Variants in PDE7B observed in about 807,000 individuals in gnomAD.
PDE7B encodes the protein phosphodiesterase 7B.
In PDE7B, 29 loss-of-function variants were observed where a neutral mutation model predicts 56.2. The ratio of observed to expected loss-of-function variants is 0.52; its 90% CI spans 0.38 to 0.70. PDE7B has a LOEUF of 0.70. Ranked by LOEUF, PDE7B falls within the 30% of genes least tolerant of loss-of-function variation. PDE7B has a pLI of 0.00. For synonymous variants in PDE7B, 197 were observed against 196.9 expected (o/e 1.00, Z 0.00); for missense variants, 490 against 565.0 (o/e 0.87, Z 1.35).
chr6:136,004,371 G>A (rs1245742901), intron 2 of PDE7B, among the ~76,000 whole-genome samples: 2 of 151,618 alleles, frequency 1.3e-5, no homozygotes, highest in Non-Finnish European at 3.0e-5. Flanking sequence ...GGCAGGAGAA[G>A]GAAATAAAGG....
intron 2 of PDE7B, among the ~76,000 whole-genome samples, chr6:136,078,069 A>G (rs945681259): frequency 6.6e-6 from 1 of 152,190 alleles, no homozygotes; most frequent in Admixed American, 6.5e-5. Flanking sequence ...CCAGGATGCC[A>G]AGTGATAAAT....
intron 2 of PDE7B, among the ~76,000 whole-genome samples, chr6:135,956,883 C>CGGAA (rs147614842): frequency 2.0e-5 from 3 of 150,258 alleles, no homozygotes; most frequent in Non-Finnish European, 4.4e-5. Context: ...GAAATAAAGA[C>CGGAA]GGAAGGAAGG....
chr6:135,908,300 G>T (rs1327634080), intron 1 of PDE7B, among the ~76,000 whole-genome samples: 1 of 151,690 alleles, frequency 6.6e-6, no homozygotes, highest in African/African-American at 2.4e-5. Context: ...CTCCATATCG[G>T]TCAGGCTGGT....
intron 8 of PDE7B, among the ~76,000 whole-genome samples, chr6:136,170,751 T>A (rs190572555): frequency 6.6e-6 from 1 of 152,256 alleles, no homozygotes; most frequent in East Asian, 1.9e-4. Flanking sequence ...TCCTGAGGCA[T>A]CTCATGGCAT....
chr6:135,862,883 A>T lies in PDE7B; in HGVS notation c.21+10864A>T, dbSNP rs192300998. On this transcript the variant is annotated intron_variant, in intron 1 of 12. Coordinates refer to ENST00000308191, the MANE Select transcript of PDE7B (RefSeq NM_018945.4). The stretch of plus-strand genomic sequence containing the variant: ...AATTTACTGTTTCTATTAGCAGTTA[A>T]TTCAAGACAATTTCAATTATAATTT... 5.3e-4 allele frequency among the ~76,000 whole-genome samples: 81 copies of T among 152,018 alleles called. 1 individual carries two copies. In the East Asian group the frequency reaches 0.012, roughly 23 times the overall value.
chr6:136,191,127 A>G (rs1330458954), intron 12 of PDE7B, among the ~76,000 whole-genome samples: 1 of 149,948 alleles, frequency 6.7e-6, no homozygotes, highest in South Asian at 2.1e-4. Context: ...TTGTACATAC[A>G]TTAAGTCATT....
At chr6:136,119,004 G>T (rs1207539812) in intron 3 of PDE7B, among the ~76,000 whole-genome samples, 1 of 152,148 alleles carries the variant, frequency 6.6e-6, no homozygotes, top group Non-Finnish European at 1.5e-5. Flanking sequence ...TCTTTGATAA[G>T]AAAGAAAAGG....
In PDE7B at chr6:135,942,209, G is replaced by A. The variant is rs368219857; in HGVS notation, c.22-5255G>A. 1.6e-4 allele frequency among the ~76,000 whole-genome samples: 25 copies of A among 152,104 alleles called. 1 individual carries two copies. The highest frequency in any genetic ancestry group is 6.2e-4 in the South Asian group (3 of 4,820). On this transcript the variant is annotated intron_variant, in intron 1 of 12. Coordinates refer to ENST00000308191, the MANE Select transcript of PDE7B (RefSeq NM_018945.4). ...AACATCAATTTTTTTATAACTAAAC[G>A]TATGGTGAAAGTGATGATAAAATTC...
At chr6:136,033,620 GCTTTCCCC>G (rs905573804) in intron 2 of PDE7B, among the ~76,000 whole-genome samples, 9 of 152,086 alleles carry the variant, frequency 5.9e-5, no homozygotes, top group African/African-American at 1.9e-4. Flanking sequence ...CTCCCCACAT[GCTTTCCCC>G]CTTTCCCCAT....
In PDE7B at chr6:136,155,738, C is replaced by T. The variant is rs1000198433; in HGVS notation, c.691C>T (p.His231Tyr). 6.2e-7 allele frequency: 1 copy of T among 1,614,068 alleles called. No homozygotes were observed. Among genetic ancestry groups the T allele is most frequent in the Admixed American group, 1.7e-5 (1 of 60,016 alleles). ...NQPFLIKTNHHLANLYQNMSV... is the reference protein window; with the variant it reads ...NQPFLIKTNHYLANLYQNMSV... ...GCCATTTTTGATAAAAACTAACCAC[C>T]ATCTTGCAAACCTATATCAGGTAAG... The change falls in exon 8 of 13, where the codon CAT (histidine) becomes TAT (tyrosine). Residue 231 changes from histidine (H) to tyrosine (Y), a missense_variant. Physicochemically the swap from His to Tyr is moderately conservative, Grantham distance 83 (BLOSUM62 2). Transcript: ENST00000308191.
chr6:136,187,263 C>A, intron 12 of PDE7B, 147 bp downstream of exon 12: 1 of 586,636 alleles, frequency 1.7e-6, no homozygotes, highest in South Asian at 2.4e-5. Flanking sequence ...CAAATTAATA[C>A]TTTAATCATG....
chr6:136,004,197 A>T (rs1182688258), intron 2 of PDE7B, among the ~76,000 whole-genome samples: 1 of 152,190 alleles, frequency 6.6e-6, no homozygotes, highest in Admixed American at 6.5e-5. Flanking sequence ...TTGATGGGAC[A>T]TATCTCAAAA....
intron 2 of PDE7B, among the ~76,000 whole-genome samples, chr6:136,026,493 C>T (rs11154848): frequency 0.28 from 43,169 of 152,052 alleles, 7,478 homozygotes; most frequent in Admixed American, 0.4. Flanking sequence ...ATTATTCTTC[C>T]TTTTCTTCAA....
At chr6:136,169,014 T>C (rs959321379) in intron 8 of PDE7B, among the ~76,000 whole-genome samples, 17 of 152,142 alleles carry the variant, frequency 1.1e-4, no homozygotes, top group African/African-American at 2.4e-4. Flanking sequence ...CAGCAAGGGC[T>C]GTATGCAGAG....
chr6:135,995,854 TAACATA>T (rs1387301582), intron 2 of PDE7B, among the ~76,000 whole-genome samples: 23 of 152,306 alleles, frequency 1.5e-4, no homozygotes, highest in Admixed American at 5.9e-4. Context: ...TGAAGAGAAT[TAACATA>T]AACATAAAGA....
At chr6:135,855,301 G>A (rs1775005116) in intron 1 of PDE7B, among the ~76,000 whole-genome samples, 2 of 152,150 alleles carry the variant, frequency 1.3e-5, no homozygotes, top group African/African-American at 4.8e-5. Context: ...CAAGGGCTGT[G>A]CCTGTGAATA....
intron 2 of PDE7B, among the ~76,000 whole-genome samples, chr6:136,080,344 G>A (rs1777187102): frequency 1.3e-5 from 2 of 152,178 alleles, no homozygotes; most frequent in Admixed American, 6.5e-5. Context: ...TTGGCAATGA[G>A]AACAAACATT....
chr6:136,173,986 A>G lies in PDE7B; in HGVS notation c.803+98A>G, dbSNP rs952117916. ...GGGACCTTTTGCGTGAATGGCAGAGAGCCCCCCGGCTGTACTTCCTGCCTG... is the reference window on the plus strand; with the variant it reads ...GGGACCTTTTGCGTGAATGGCAGAGGGCCCCCCGGCTGTACTTCCTGCCTG... On this transcript the variant is annotated intron_variant, in intron 9 of 12. Coordinates refer to ENST00000308191, the MANE Select transcript of PDE7B (RefSeq NM_018945.4). 5 of 814,534 alleles carry G rather than the reference A, an allele frequency of 6.1e-6. No homozygotes were observed. In the African/African-American group the frequency reaches 8.4e-5, roughly 14 times the overall value. The allele number at this position is 814,534 out of a possible 1,614,324, so 50.5% of individuals were successfully genotyped here. A position where few individuals can be genotyped will look rare whatever the true frequency, so the allele number is the denominator to read the frequency against.
chr6:135,884,152 A>G (rs914570872), intron 1 of PDE7B, among the ~76,000 whole-genome samples: 1 of 152,212 alleles, frequency 6.6e-6, no homozygotes, highest in East Asian at 1.9e-4. Flanking sequence ...TCCATGTGGG[A>G]TAAATAAATA....
Sources: allele counts gnomAD v4.1 joint callset (sites outside exome capture counted in the v4.1 genomes callset), GRCh38; gene constraint gnomAD v4.1.1; transcripts MANE v1.5; gene names NCBI Gene and HGNC (gene_info 2026-07-23, HGNC 2026-07-21).